The following P3H2 variants were observed in gnomAD, a reference collection of about 807,000 sequenced individuals.
The protein encoded by P3H2 is prolyl 3-hydroxylase 2, also known as leprecan-like 1.
P3H2 carries 80 observed loss-of-function variants against 87.0 expected under a neutral mutation model. The ratio of observed to expected loss-of-function variants is 0.92; its 90% confidence interval spans 0.77 to 1.11. The LOEUF (loss-of-function observed/expected upper bound fraction) is 1.11. Among genes scored for constraint, P3H2 ranks in the 50% least tolerant of loss-of-function variants. The pLI is 0.00. For synonymous variants in P3H2, 367 were observed against 359.3 expected, an observed-to-expected ratio of 1.02 and a Z score of -0.24; for missense variants, 1,001 against 923.9, an observed-to-expected ratio of 1.08 and a Z score of -1.08.
At chr3:190,085,370 C>T (rs1388806818) in intron 1 of P3H2, among the ~76,000 whole-genome samples, 1 of 152,034 alleles carries the variant, frequency 6.6e-6, no homozygotes, top group Non-Finnish European at 1.5e-5. Context: ...GGTAGCTTAC[C>T]CCTAATTAAA....
rs186477914 is a variant in P3H2, at chr3:190,021,125, C to T, written c.481-25683G>A. On this transcript the variant is annotated intron_variant, in intron 1 of 14. Transcript: ENST00000319332. Reference sequence around the variant, plus strand: ...AATGCCAACTACAGCCATCTGGAAACCAATATTTACAAAGCAGCCACCATG... The same window carrying T: ...AATGCCAACTACAGCCATCTGGAAATCAATATTTACAAAGCAGCCACCATG... Among the ~76,000 whole-genome samples the T allele has an allele frequency of 3.0e-5, 4 of 134,788 alleles. 1 individual carries two copies. The Admixed American group carries it at 3.0e-4, about 10-fold the overall frequency. The allele number at this position is 134,788 out of a possible 152,430, so 88.4% of individuals were successfully genotyped here.
At chr3:189,988,769 A>G (rs574237857) in intron 4 of P3H2, 138 bp downstream of exon 4, 1 of 1,079,688 alleles carries the variant, frequency 9.3e-7, no homozygotes, top group African/African-American at 1.5e-5. Context: ...CCTGCAGCTC[A>G]GGAGAGAAGA....
chr3:190,110,402 C>T (rs1417004453), intron 1 of P3H2, among the ~76,000 whole-genome samples: 2 of 152,232 alleles, frequency 1.3e-5, no homozygotes, highest in African/African-American at 2.4e-5. Flanking sequence ...CTGAGAAACC[C>T]GGACTGAAAT....
intron 1 of P3H2, among the ~76,000 whole-genome samples, chr3:190,087,533 G>T (rs1166716600): frequency 9.4e-6 from 1 of 106,876 alleles, no homozygotes; most frequent in African/African-American, 3.8e-5. Context: ...GACAGAGCAA[G>T]ACTACATCTC....
At chr3:189,958,564 G>A (rs1722709191) in intron 14 of P3H2, among the ~76,000 whole-genome samples, 1 of 151,674 alleles carries the variant, frequency 6.6e-6, no homozygotes, top group African/African-American at 2.4e-5. Flanking sequence ...GGGGTGGGAG[G>A]GTGGTGCTGC....
rs1167309595 is a variant in P3H2 at position 190,020,312 on chromosome 3, A to G, written c.481-24870T>C. Among the ~76,000 whole-genome samples the G allele has an allele frequency of 1.5e-5, 2 of 135,132 alleles. 1 individual carries two copies. The highest frequency in any genetic ancestry group is 3.3e-5 in the Non-Finnish European group (2 of 60,558). The allele number at this position is 135,132 out of a possible 152,430, so 88.7% of individuals were successfully genotyped here. A position where few individuals can be genotyped will look rare whatever the true frequency, so the allele number is the denominator to read the frequency against. ...TGCTAATGTAAACGTCAAAGGATTT[A>G]GAAAAAAGTAAAATGAATTAGAATT... On this transcript the variant is annotated intron_variant, in intron 1 of 14. Coordinates refer to ENST00000319332, the MANE Select transcript of P3H2 (RefSeq NM_018192.4).
intron 1 of P3H2, among the ~76,000 whole-genome samples, chr3:190,016,927 TC>T (rs1472944634): frequency 1.3e-5 from 2 of 152,190 alleles, no homozygotes; most frequent in Non-Finnish European, 2.9e-5. Flanking sequence ...TTTCCCTCAA[TC>T]TATTGGTCAC....
At chr3:189,985,621 TTAA>T (rs929958634) in intron 6 of P3H2, among the ~76,000 whole-genome samples, 17 of 149,424 alleles carry the variant, frequency 1.1e-4, no homozygotes, top group African/African-American at 3.6e-4. Flanking sequence ...TATAAATAAA[TTAA>T]TAATAAATAA....
At chr3:190,002,085 G>C (rs1352663417) in intron 1 of P3H2, among the ~76,000 whole-genome samples, 2 of 152,030 alleles carry the variant, frequency 1.3e-5, no homozygotes, top group East Asian at 3.9e-4. Context: ...TTTCTATATA[G>C]CAGAGTCAGA....
At chr3:190,120,955 CT>C, upstream of P3H2, 1 of 603,104 alleles carries the variant, frequency 1.7e-6, no homozygotes, top group Non-Finnish European at 2.6e-6. Context: ...CACGCTCCTC[CT>C]GCTGCCTGAG....
chr3:190,027,624 C>CTTT (rs539796963), intron 1 of P3H2, among the ~76,000 whole-genome samples: 7 of 136,762 alleles, frequency 5.1e-5, no homozygotes, highest in Admixed American at 2.2e-4. Context: ...CGGTTTTTAC[C>CTTT]TTTTTTTTTT....
intron 1 of P3H2, among the ~76,000 whole-genome samples, chr3:190,090,612 A>G (rs1577318844): frequency 1.3e-5 from 2 of 152,146 alleles, no homozygotes; most frequent in East Asian, 3.9e-4. Context: ...CTGAGGCAGG[A>G]GAATGGTGTG....
chr3:190,069,869 G>A lies in P3H2; in HGVS notation c.480+50383C>T, dbSNP rs866063076. Among the ~76,000 whole-genome samples the A allele has an allele frequency of 7.2e-5, 11 of 152,236 alleles. No homozygotes were observed. The South Asian group carries it at 2.1e-3, about 29-fold the overall frequency. On this transcript the variant is annotated intron_variant, in intron 1 of 14. Transcript: ENST00000319332. ...AGTGACATTTCAGAGCAGTGGTGTA[G>A]ATGGAAATCCAATTAGCATGGATTG...
At chr3:190,115,571 G>A (rs1343055954) in intron 1 of P3H2, among the ~76,000 whole-genome samples, 1 of 152,092 alleles carries the variant, frequency 6.6e-6, no homozygotes, top group Non-Finnish European at 1.5e-5. Context: ...TTGAAGTATA[G>A]TTTTAAGTAA....
chr3:190,066,167 A>ACACACACACT (rs967473094), intron 1 of P3H2, among the ~76,000 whole-genome samples: 2 of 150,258 alleles, frequency 1.3e-5, no homozygotes, highest in Non-Finnish European at 2.9e-5. Context: ...ATACACACAC[A>ACACACACACT]CACACACACA....
chr3:190,049,706 C>A (rs1233138709), intron 1 of P3H2, among the ~76,000 whole-genome samples: 1 of 152,258 alleles, frequency 6.6e-6, no homozygotes, highest in Non-Finnish European at 1.5e-5. Context: ...CACACAAACA[C>A]AAACACACAG....
At chr3:190,049,144 C>T (rs903100176) in intron 1 of P3H2, among the ~76,000 whole-genome samples, 1 of 152,138 alleles carries the variant, frequency 6.6e-6, no homozygotes, top group Non-Finnish European at 1.5e-5. Context: ...AGAAAAACTG[C>T]ATGTTCATAA....
chr3:189,987,155 CT>C (rs1428854369), intron 5 of P3H2, among the ~76,000 whole-genome samples: 1 of 152,200 alleles, frequency 6.6e-6, no homozygotes, highest in Non-Finnish European at 1.5e-5. Flanking sequence ...TTTATCAACT[CT>C]CCCCCGAACA....
intron 1 of P3H2, among the ~76,000 whole-genome samples, chr3:190,002,433 G>A (rs1418263148): frequency 1.4e-5 from 2 of 145,102 alleles, no homozygotes; most frequent in East Asian, 4.0e-4. Context: ...TTGGAATCTC[G>A]CTCTGTTGCC....
Sources: gnomAD v4.1 joint callset for allele counts (sites outside exome capture counted in the v4.1 genomes callset) on GRCh38, gnomAD v4.1.1 for gene constraint, MANE v1.5 for transcripts, NCBI Gene and HGNC (gene_info 2026-07-23, HGNC 2026-07-21) for gene names.